The following PITPNA variants were observed in gnomAD, a reference collection of about 807,000 sequenced individuals.
The protein encoded by PITPNA is phosphatidylinositol transfer protein alpha, also known as phosphatidylinositol transfer protein alpha isoform.
Under a neutral mutation model 50.3 loss-of-function variants are expected in PITPNA, and 13 were observed. The ratio of observed to expected loss-of-function variants is 0.26; its 90% CI spans 0.17 to 0.41. The LOEUF (loss-of-function observed/expected upper bound fraction) is 0.41. Ranked by LOEUF, PITPNA falls within the 10% of genes least tolerant of loss-of-function variation. The pLI, the probability that PITPNA is intolerant of heterozygous loss-of-function variation, is 1.00. For missense variants in PITPNA, 207 were observed against 333.4 expected (o/e 0.62, Z 2.95); for synonymous variants, 120 against 119.6 (o/e 1.00, Z -0.02).
intron 4 of PITPNA, among the ~76,000 whole-genome samples, chr17:1,547,224 G>A (rs533799227): frequency 1.9e-4 from 29 of 151,430 alleles, no homozygotes; most frequent in Non-Finnish European, 3.7e-4. Flanking sequence ...AACCTAGCCG[G>A]ACATGATGGC....
At chr17:1,547,928 AGGTTGCAGTGAGCCGAGATCACGCCACT>A (rs1450247595) in intron 4 of PITPNA, among the ~76,000 whole-genome samples, 2 of 152,184 alleles carry the variant, frequency 1.3e-5, no homozygotes, top group Non-Finnish European at 2.9e-5. Context: ...CGGGAGCCAG[AGGTTGCAGTGAGCCGAGATCACGCCACT>A]GTGCTCCAGT....
chr17:1,562,567 TCGCGGCTCGGTGGCTGCCCGCGGCC>T lies in PITPNA; in HGVS notation c.-32_-8del. 2.2e-6 allele frequency: 3 copies of T among 1,335,790 alleles called. No homozygotes were observed. The highest frequency in any genetic ancestry group is 2.9e-6 in the Non-Finnish European group (3 of 1,033,688). The allele number at this position is 1,335,790 out of a possible 1,614,324, so 82.7% of individuals were successfully genotyped here. ...ACTCCTTGAGCAGCACCATGTCGCT[TCGCGGCTCGGTGGCTGCCCGCGGCC>T]CGCCCGGCCTCCCGCCCGCTGCCCG... On this transcript the variant is annotated 5_prime_UTR_variant, in exon 1 of 12. Transcript: ENST00000313486. This position sits in a 1 kb window ranked among gnomAD's most constrained non-coding sequence, Gnocchi z 6.4.
At chr17:1,524,851 A>C (rs2075537654) in intron 10 of PITPNA, among the ~76,000 whole-genome samples, 2 of 146,018 alleles carry the variant, frequency 1.4e-5, no homozygotes, top group Non-Finnish European at 3.0e-5. Context: ...TCCATCTCAA[A>C]AAAGAAAAAA....
intron 6 of PITPNA, among the ~76,000 whole-genome samples, chr17:1,539,174 C>T (rs1412989582): frequency 6.6e-6 from 1 of 152,116 alleles, no homozygotes; most frequent in Non-Finnish European, 1.5e-5. Flanking sequence ...CAATGGCTAT[C>T]CACAGGAGTG....
chr17:1,524,245 C>A (rs541320232), intron 10 of PITPNA, among the ~76,000 whole-genome samples: 29 of 149,952 alleles, frequency 1.9e-4, no homozygotes, highest in Non-Finnish European at 3.0e-4. Context: ...GGGGTTTCAC[C>A]ATGTTAGCCA....
intron 2 of PITPNA, among the ~76,000 whole-genome samples, chr17:1,556,021 A>G (rs1407840389): frequency 6.6e-6 from 1 of 152,194 alleles, no homozygotes; most frequent in East Asian, 1.9e-4. Context: ...CAAAGGCCTC[A>G]AGTCATGGCC....
intron 2 of PITPNA, among the ~76,000 whole-genome samples, chr17:1,557,780 T>C (rs2075743152): frequency 6.6e-6 from 1 of 152,190 alleles, no homozygotes; most frequent in South Asian, 2.1e-4. Flanking sequence ...AAAGGAGGGT[T>C]CTGTGTCTTG....
chr17:1,527,287 A>G (rs766082641), intron 10 of PITPNA, among the ~76,000 whole-genome samples: 2 of 152,174 alleles, frequency 1.3e-5, no homozygotes, highest in African/African-American at 2.4e-5. Flanking sequence ...TCTGTTGCCC[A>G]GGCTGGAGTA....
At chr17:1,529,155 A>AAGAGAGAGAG (rs1555530753) in intron 10 of PITPNA, among the ~76,000 whole-genome samples, 23 of 106,640 alleles carry the variant, frequency 2.2e-4, no homozygotes, top group South Asian at 6.0e-4. Context: ...AAAAAAAAAA[A>AAGAGAGAGAG]AGAGAGAGAG....
At chr17:1,561,727 C>T (rs1161603034) in intron 1 of PITPNA, among the ~76,000 whole-genome samples, 5 of 152,146 alleles carry the variant, frequency 3.3e-5, no homozygotes, top group Admixed American at 3.3e-4. Context: ...ATCTCAGCCC[C>T]CTCTGCATGT....
At chr17:1,551,785 G>C (rs1184258820) in intron 3 of PITPNA, among the ~76,000 whole-genome samples, 1 of 152,258 alleles carries the variant, frequency 6.6e-6, no homozygotes, top group Admixed American at 6.5e-5. Flanking sequence ...TGCTGGTGAG[G>C]AGACTGAGTG....
In PITPNA at chr17:1,519,012, T is replaced by G. The variant is rs1170744805; in HGVS notation, c.*1549A>C. The G allele has an allele frequency of 6.6e-6, 1 of 152,274 alleles. No homozygotes were observed. Among genetic ancestry groups the G allele is most frequent in the South Asian group, 2.1e-4 (1 of 4,832 alleles). The allele number at this position is 152,274 out of a possible 1,614,324, so 9.4% of individuals were successfully genotyped here. On this transcript the variant is annotated 3_prime_UTR_variant, in exon 12 of 12. Coordinates refer to ENST00000313486, the MANE Select transcript of PITPNA (RefSeq NM_006224.4). The stretch of plus-strand genomic sequence containing the variant: ...CAATGAAGGTCAGCGCTAACCATGC[T>G]GGGGGTCTGAGTCTGTCCACCCTTG...
At chr17:1,536,656 C>T (rs1413727667) in intron 7 of PITPNA, among the ~76,000 whole-genome samples, 1 of 151,908 alleles carries the variant, frequency 6.6e-6, no homozygotes, top group African/African-American at 2.4e-5. Context: ...TGCAGTGGCA[C>T]GATCTCAGCT....
chr17:1,544,650 T>C (rs899193927), intron 4 of PITPNA, among the ~76,000 whole-genome samples: 14 of 152,218 alleles, frequency 9.2e-5, no homozygotes, highest in African/African-American at 2.4e-4. Context: ...TTTAAATGCA[T>C]GGCAGGGCCG....
intron 10 of PITPNA, among the ~76,000 whole-genome samples, chr17:1,527,171 G>A (rs1237643249): frequency 6.6e-6 from 1 of 152,202 alleles, no homozygotes; most frequent in Non-Finnish European, 1.5e-5. Flanking sequence ...AGCCAATGTA[G>A]GCTATACATA....
intron 1 of PITPNA, among the ~76,000 whole-genome samples, chr17:1,558,769 A>ACCCCCCCCCCCCCCCCCCCCCCCCCC (rs147366133): frequency 4.4e-5 from 1 of 22,694 alleles, no homozygotes; most frequent in Non-Finnish European, 7.3e-5. Flanking sequence ...CTGTGACAAC[A>ACCCCCCCCCCCCCCCCCCCCCCCCCC]CCCCCCCCCC....
rs909011917 is a variant in PITPNA at position 1,528,705 on chromosome 17, C to T, written c.768+5394G>A. On this transcript the variant is annotated intron_variant, in intron 10 of 11. Coordinates refer to ENST00000313486, the MANE Select transcript of PITPNA (RefSeq NM_006224.4). Reference sequence around the variant, plus strand: ...TGAGCTATGATCACAGCACTGCACTCTAGCCTAGGCCACAGAGCGAGACTG... The same window carrying T: ...TGAGCTATGATCACAGCACTGCACTTTAGCCTAGGCCACAGAGCGAGACTG... Among the ~76,000 whole-genome samples the T allele has an allele frequency of 2.0e-5, 3 of 151,224 alleles. No individual in the cohort carries two copies. The East Asian group carries it at 5.8e-4, about 29-fold the overall frequency.
chr17:1,548,471 G>C (rs2075690568), intron 3 of PITPNA, 84 bp from the exon 4 acceptor site: 1 of 948,928 alleles, frequency 1.1e-6, no homozygotes, highest in South Asian at 1.5e-5. Context: ...CTTCTTCATG[G>C]GGAGCTGACA....
At chr17:1,560,190 C>CT (rs1314003915) in intron 1 of PITPNA, among the ~76,000 whole-genome samples, 2 of 152,186 alleles carry the variant, frequency 1.3e-5, no homozygotes, top group Non-Finnish European at 1.5e-5. Flanking sequence ...AGGCTGCTGA[C>CT]GTGACGGCTG....
Sources: allele counts gnomAD v4.1 joint callset (sites outside exome capture counted in the v4.1 genomes callset), GRCh38; gene constraint gnomAD v4.1.1; non-coding constraint Gnocchi (gnomAD v3.1); transcripts MANE v1.5; gene names NCBI Gene and HGNC (gene_info 2026-07-23, HGNC 2026-07-21).